Variants in PC observed in about 807,000 individuals in gnomAD.
The protein encoded by PC is pyruvate carboxylase, mitochondrial.
PC carries 46 observed loss-of-function variants against 107.8 expected under a neutral mutation model. The observed-to-expected ratio is 0.43, with a 90% CI of 0.34 to 0.55. The LOEUF is 0.55. Among genes scored for constraint, PC ranks in the 20% least tolerant of loss-of-function variants. PC has a pLI of 0.04. For synonymous variants in PC, 662 were observed against 684.7 expected (o/e 0.97, Z 0.52); for missense variants, 1,241 against 1,643.1 (o/e 0.76, Z 4.23).
chr11:66,957,133 A>C (rs1424416801), intron 1 of PC, among the ~76,000 whole-genome samples: 3 of 152,240 alleles, frequency 2.0e-5, no homozygotes, highest in Non-Finnish European at 4.4e-5. Flanking sequence ...ATACAGGGAA[A>C]GGGTGCCTTG....
At chr11:66,938,928 G>A (rs1011702098) in intron 3 of PC, among the ~76,000 whole-genome samples, 1 of 152,142 alleles carries the variant, frequency 6.6e-6, no homozygotes, top group African/African-American at 2.4e-5. Flanking sequence ...GATACCACAG[G>A]TTACATTTCT....
rs951521668 is a variant in PC, at chr11:66,852,305, G to A, written c.1825+134C>T. ...CAGGCCTGGCCGGAGAGGGCGCTGT[G>A]CCTTCTTCGGTCCTTCCTCTTTGGT... On this transcript the variant is annotated intron_variant, in intron 15 of 22. Coordinates refer to ENST00000393960, the MANE Select transcript of PC (RefSeq NM_001040716.2). The surrounding 1 kb of genome is among the most constrained non-coding windows in gnomAD (Gnocchi z 4.7). The A allele has an allele frequency of 6.1e-6, 5 of 820,442 alleles. No homozygotes were observed. Among genetic ancestry groups the A allele is most frequent in the South Asian group, 1.5e-5 (1 of 68,940 alleles). 50.8% of individuals were successfully genotyped at this position (820,442 alleles called of 1,614,324 possible).
At chr11:66,873,620 G>C (rs1235867815) in intron 3 of PC, among the ~76,000 whole-genome samples, 2 of 137,184 alleles carry the variant, frequency 1.5e-5, no homozygotes, top group Non-Finnish European at 3.0e-5. Context: ...AATGCAAAGA[G>C]GCTTCAGAGG....
intron 1 of PC, among the ~76,000 whole-genome samples, chr11:66,956,269 C>T (rs1949559232): frequency 6.6e-6 from 1 of 152,140 alleles, no homozygotes; most frequent in East Asian, 1.9e-4. Context: ...CAGCCTTCCT[C>T]TTCCAGTTCT....
intron 3 of PC, among the ~76,000 whole-genome samples, chr11:66,906,551 G>T (rs545561389): frequency 9.8e-5 from 15 of 152,286 alleles, no homozygotes; most frequent in Non-Finnish European, 1.6e-4. Context: ...TGCTAATCCC[G>T]AGCAGTTTGG....
chr11:66,855,264 C>T lies in PC; in HGVS notation c.1369-1881G>A, dbSNP rs186696070. Among the ~76,000 whole-genome samples the T allele has an allele frequency of 5.6e-4, 85 of 152,336 alleles. 2 individuals are homozygous for T. The highest frequency in any genetic ancestry group is 3.4e-3 in the Middle Eastern group (1 of 294). On this transcript the variant is annotated intron_variant, in intron 12 of 22. Transcript: ENST00000393960. ...AGGCCCATCTGGTTCCTGATGAACC[C>T]GGCTCCCAGCACTGGGTGGCCATGG... is the stretch of plus-strand genomic sequence containing the variant.
chr11:66,870,680 G>A lies in PC; in HGVS notation c.751+95C>T. On this transcript the variant is annotated intron_variant, in intron 8 of 22. Coordinates refer to ENST00000393960, the MANE Select transcript of PC (RefSeq NM_001040716.2). This position sits in a 1 kb window ranked among gnomAD's most constrained non-coding sequence, Gnocchi z 6.1. ...TGGAAAAGCGCCCGACAGGCCCCAG[G>A]GCTGTCCCCAAGGCCAGCCACTGTG... 1 of 1,312,696 alleles carries A rather than the reference G, an allele frequency of 7.6e-7. No homozygotes were observed. Among genetic ancestry groups the A allele is most frequent in the East Asian group, 2.3e-5 (1 of 43,546 alleles). The allele number at this position is 1,312,696 out of a possible 1,614,324, so 81.3% of individuals were successfully genotyped here.
At chr11:66,928,355 C>G (rs953902907) in intron 3 of PC, among the ~76,000 whole-genome samples, 7 of 143,438 alleles carry the variant, frequency 4.9e-5, no homozygotes, top group African/African-American at 1.8e-4. Flanking sequence ...CACTGCACTC[C>G]AGCCTGGGCG....
At chr11:66,862,651 C>G (rs1310912024) in intron 12 of PC, among the ~76,000 whole-genome samples, 1 of 152,242 alleles carries the variant, frequency 6.6e-6, no homozygotes, top group African/African-American at 2.4e-5. Context: ...GAGGGTGGCT[C>G]CCACGGGACA....
At chr11:66,908,479 A>G (rs1948233386) in intron 3 of PC, among the ~76,000 whole-genome samples, 1 of 152,174 alleles carries the variant, frequency 6.6e-6, no homozygotes, top group African/African-American at 2.4e-5. Context: ...CACCCAGCTC[A>G]GTTCATTTAA....
At chr11:66,948,944 T>TA (rs1187868180) in intron 3 of PC, among the ~76,000 whole-genome samples, 4 of 151,988 alleles carry the variant, frequency 2.6e-5, no homozygotes, top group Non-Finnish European at 4.4e-5. Flanking sequence ...ATTTAGGTAT[T>TA]AGAGGGTTTT....
In PC at chr11:66,858,520, C is replaced by T. The variant is rs1291704999; in HGVS notation, c.1369-5137G>A. ...CCGGACGACCTGGAAACGTGCGCCTCCCCGCCCGGCCTGGCCGGCCGCTAC... is the reference window on the plus strand; with the variant it reads ...CCGGACGACCTGGAAACGTGCGCCTTCCCGCCCGGCCTGGCCGGCCGCTAC... On this transcript the variant is annotated intron_variant, in intron 12 of 22. Coordinates refer to ENST00000393960, the MANE Select transcript of PC (RefSeq NM_001040716.2). The surrounding 1 kb of genome is among the most constrained non-coding windows in gnomAD (Gnocchi z 5.9). 1 of 1,534,434 alleles carries T rather than the reference C, an allele frequency of 6.5e-7. No individual in the cohort carries two copies. Among genetic ancestry groups the T allele is most frequent in the African/African-American group, 1.4e-5 (1 of 73,098 alleles).
chr11:66,944,371 G>C lies in PC; in HGVS notation c.-1+8059C>G, dbSNP rs1465564840. On this transcript the variant is annotated intron_variant, in intron 3 of 22. Coordinates refer to ENST00000393960, the MANE Select transcript of PC (RefSeq NM_001040716.2). ...AGGCAGGCGGATCACTTGAGGTCAGGAGTTCGAGACCAGCCTGCCCAACAT... is the reference window on the plus strand; with the variant it reads ...AGGCAGGCGGATCACTTGAGGTCAGCAGTTCGAGACCAGCCTGCCCAACAT... Among the ~76,000 whole-genome samples the C allele has an allele frequency of 1.7e-5, 2 of 115,508 alleles. 1 individual carries two copies. Among genetic ancestry groups the C allele is most frequent in the Non-Finnish European group, 3.8e-5 (2 of 52,132 alleles). 75.8% of individuals were successfully genotyped at this position (115,508 alleles called of 152,430 possible).
intron 12 of PC, chr11:66,860,083 G>A (rs758583914): frequency 4.5e-6 from 7 of 1,555,980 alleles, no homozygotes; most frequent in Admixed American, 1.9e-5. Context: ...TATGCCAGGC[G>A]CCTGGGAGGA....
At chr11:66,919,136 C>T (rs1207184850) in intron 3 of PC, among the ~76,000 whole-genome samples, 1 of 152,156 alleles carries the variant, frequency 6.6e-6, no homozygotes, top group African/African-American at 2.4e-5. Flanking sequence ...TCTCTTCAAG[C>T]CAGGTGCGGT....
chr11:66,882,871 G>A (rs865988849), intron 3 of PC, among the ~76,000 whole-genome samples: 4 of 152,312 alleles, frequency 2.6e-5, no homozygotes, highest in East Asian at 1.9e-4. Flanking sequence ...GGGCTGCCAC[G>A]GCTGATATCA....
chr11:66,856,580 G>A (rs1026171674), intron 12 of PC: 27 of 152,612 alleles, frequency 1.8e-4, no homozygotes, highest in African/African-American at 6.3e-4. Flanking sequence ...GACCTTCAGC[G>A]TGTGTCTGTG....
At chr11:66,904,392 AC>A (rs1471604156) in intron 3 of PC, among the ~76,000 whole-genome samples, 3 of 152,190 alleles carry the variant, frequency 2.0e-5, no homozygotes, top group African/African-American at 4.8e-5. Flanking sequence ...TAATCTCAGC[AC>A]TTTGGGAGGC....
intron 3 of PC, among the ~76,000 whole-genome samples, chr11:66,887,898 G>A (rs779123962): frequency 2.0e-5 from 3 of 152,232 alleles, no homozygotes; most frequent in African/African-American, 4.8e-5. Flanking sequence ...GCGCCCCTCC[G>A]AGGGCCTGCA....
Sources: allele counts gnomAD v4.1 joint callset (sites outside exome capture counted in the v4.1 genomes callset), GRCh38; gene constraint gnomAD v4.1.1; non-coding constraint Gnocchi (gnomAD v3.1); transcripts MANE v1.5; gene names NCBI Gene and HGNC (gene_info 2026-07-23, HGNC 2026-07-21).